Variants in FUT8 observed in about 807,000 individuals in gnomAD.
FUT8 encodes alpha-(1,6)-fucosyltransferase.
A neutral mutation model predicts 71.3 loss-of-function variants in FUT8; 29 were observed. That is an observed-to-expected ratio of 0.41 (90% CI 0.30 to 0.55). FUT8 has a LOEUF of 0.55. FUT8 is among the 20% of genes least tolerant of loss of function. FUT8 has a pLI of 0.34. For missense variants in FUT8, 544 were observed against 702.1 expected (o/e 0.77, Z 2.55); for synonymous variants, 254 against 239.3 (o/e 1.06, Z -0.57).
chr14:65,716,014 T>C (rs1261358631), intron 7 of FUT8, among the ~76,000 whole-genome samples: 1 of 151,868 alleles, frequency 6.6e-6, no homozygotes, highest in African/African-American at 2.4e-5. Context: ...TTCAATTTCG[T>C]GAATGTTTTA....
intron 3 of FUT8, among the ~76,000 whole-genome samples, chr14:65,583,872 T>G (rs1215674244): frequency 6.6e-6 from 1 of 152,186 alleles, no homozygotes; most frequent in Admixed American, 6.5e-5. Flanking sequence ...ATTAGCCAGC[T>G]AAGAGTCTTT....
intron 7 of FUT8, among the ~76,000 whole-genome samples, chr14:65,695,471 A>C (rs1438700184): frequency 1.3e-5 from 2 of 151,946 alleles, no homozygotes; most frequent in African/African-American, 2.4e-5. Context: ...TTTTTTATTC[A>C]ATATTAGAGC....
chr14:65,507,776 T>C (rs1418527404), intron 2 of FUT8, among the ~76,000 whole-genome samples: 1 of 152,218 alleles, frequency 6.6e-6, no homozygotes, highest in Non-Finnish European at 1.5e-5. Flanking sequence ...AGTGCAGATA[T>C]CTCTTTGATA....
chr14:65,650,055 G>T (rs976936660), intron 6 of FUT8, among the ~76,000 whole-genome samples: 5 of 152,112 alleles, frequency 3.3e-5, no homozygotes, highest in Admixed American at 6.5e-5. Context: ...CCAGCACTTT[G>T]GGAGGCCAAG....
At chr14:65,502,496 A>C (rs1380381900) in intron 2 of FUT8, among the ~76,000 whole-genome samples, 1 of 152,158 alleles carries the variant, frequency 6.6e-6, no homozygotes, top group Non-Finnish European at 1.5e-5. Flanking sequence ...TAGTGCTGGG[A>C]TTACAGGTGT....
At chr14:65,663,244 A>G (rs1346896140) in intron 6 of FUT8, among the ~76,000 whole-genome samples, 2 of 152,122 alleles carry the variant, frequency 1.3e-5, no homozygotes, top group Non-Finnish European at 2.9e-5. Context: ...ATAGAGTCCC[A>G]TAAATCTCTT....
intron 5 of FUT8, among the ~76,000 whole-genome samples, chr14:65,626,512 C>T (rs1351231336): frequency 1.3e-5 from 2 of 152,112 alleles, no homozygotes; most frequent in African/African-American, 4.8e-5. Flanking sequence ...AATTAGAAGC[C>T]TGGACTTTAA....
intron 2 of FUT8, among the ~76,000 whole-genome samples, chr14:65,534,413 G>C (rs1884154755): frequency 6.6e-6 from 1 of 151,750 alleles, no homozygotes; most frequent in South Asian, 2.1e-4. Flanking sequence ...TCATGATGCT[G>C]GCCTTATAGA....
intron 3 of FUT8, 92 bp downstream of exon 3, chr14:65,561,858 A>G: frequency 2.0e-6 from 2 of 1,017,328 alleles, no homozygotes; most frequent in Middle Eastern, 4.3e-4. Flanking sequence ...ATAGTTAATT[A>G]TTTTTATAAC....
chr14:65,438,884 C>G (rs1174397491), intron 1 of FUT8, among the ~76,000 whole-genome samples: 1 of 152,076 alleles, frequency 6.6e-6, no homozygotes, highest in East Asian at 1.9e-4. Flanking sequence ...TTATGTAGCA[C>G]CTGAAATTTT....
the FUT8 span, among the ~76,000 whole-genome samples, chr14:65,378,156 G>C: frequency 3.3e-5 from 5 of 152,124 alleles, no homozygotes; most frequent in African/African-American, 1.2e-4. Flanking sequence ...GGAGCCAGCT[G>C]TATGAAAGAG....
rs1193429137 is a variant in FUT8 at position 65,627,381 on chromosome 14, C to G, written c.483-2111C>G. ...TGAGAGATCAAGGCAAGTTTTAGAA[C>G]AGGCATGAGAGTTTATTAAAATGTT... On this transcript the variant is annotated intron_variant, in intron 5 of 10. Transcript: ENST00000673929. This position sits in a 1 kb window ranked among gnomAD's most constrained non-coding sequence, Gnocchi z 4.0. 1.3e-5 allele frequency among the ~76,000 whole-genome samples: 2 copies of G among 152,134 alleles called. No individual in the cohort carries two copies. The highest frequency in any genetic ancestry group is 2.4e-5 in the African/African-American group (1 of 41,438).
chr14:65,392,736 T>C, the FUT8 span, among the ~76,000 whole-genome samples: 2 of 152,220 alleles, frequency 1.3e-5, no homozygotes, highest in East Asian at 3.9e-4. Flanking sequence ...GGCAGTGTTT[T>C]TGGTGGATTA....
the FUT8 span, among the ~76,000 whole-genome samples, chr14:65,369,740 C>A: frequency 6.6e-6 from 1 of 152,142 alleles, no homozygotes. The surrounding 1 kb of genome is among the most constrained non-coding windows in gnomAD (Gnocchi z 4.6). Context: ...GGAGAGGAAC[C>A]CTTAGTTCCA....
Position 65,641,733 on chromosome 14 carries a change from T to G in FUT8, c.597+12127T>G, listed in dbSNP as rs1023015149. On this transcript the variant is annotated intron_variant, in intron 6 of 10. Transcript: ENST00000673929. Reference sequence around the variant, plus strand: ...GTGTATGTGTAGGGGTATGTCATGGTTTTTTTTTGTGTGTATGTGGTTTTT... The same window carrying G: ...GTGTATGTGTAGGGGTATGTCATGGGTTTTTTTTGTGTGTATGTGGTTTTT... Among the ~76,000 whole-genome samples, 3 of 139,620 alleles carry G rather than the reference T, an allele frequency of 2.1e-5. No individual in the cohort carries two copies. The Admixed American group carries it at 2.2e-4, about 10-fold the overall frequency. The allele number at this position is 139,620 out of a possible 152,430, so 91.6% of individuals were successfully genotyped here.
At chr14:65,417,963 C>T (rs1218151155) in intron 1 of FUT8, among the ~76,000 whole-genome samples, 2 of 152,116 alleles carry the variant, frequency 1.3e-5, no homozygotes, top group Non-Finnish European at 2.9e-5. Flanking sequence ...GATCTTGTCA[C>T]AGCCTTGATG....
At chr14:65,379,052 G>A in the FUT8 span, among the ~76,000 whole-genome samples, 1 of 151,350 alleles carries the variant, frequency 6.6e-6, no homozygotes, top group African/African-American at 2.4e-5. Flanking sequence ...TCATCATATT[G>A]GTCAGGCTGG....
At chr14:65,422,021 G>A (rs983187349) in intron 1 of FUT8, among the ~76,000 whole-genome samples, 5 of 151,910 alleles carry the variant, frequency 3.3e-5, no homozygotes, top group Non-Finnish European at 5.9e-5. Context: ...AGTGATCCTC[G>A]TGACCCCCTG....
At chr14:65,395,760 C>T in the FUT8 span, among the ~76,000 whole-genome samples, 1 of 152,244 alleles carries the variant, frequency 6.6e-6, no homozygotes, top group African/African-American at 2.4e-5. Context: ...CTCCTGGTTA[C>T]TTATGCAAAT....
Sources: gnomAD v4.1 joint callset for allele counts (sites outside exome capture counted in the v4.1 genomes callset) on GRCh38, gnomAD v4.1.1 for gene constraint, Gnocchi (gnomAD v3.1) non-coding constraint, MANE v1.5 for transcripts, NCBI Gene and HGNC (gene_info 2026-07-23, HGNC 2026-07-21) for gene names.